Variants in CRTAP observed in about 807,000 individuals in gnomAD.
The protein encoded by CRTAP is cartilage associated protein, also known as cartilage-associated protein.
Under a neutral mutation model 42.7 loss-of-function variants are expected in CRTAP, and 33 were observed. The ratio of observed to expected loss-of-function variants is 0.77; its 90% CI spans 0.59 to 1.03. CRTAP has a LOEUF of 1.03. CRTAP is among the 50% of genes least tolerant of loss of function. The pLI, the probability that CRTAP is intolerant of heterozygous loss-of-function variation, is 0.00. For missense variants in CRTAP, 613 were observed against 533.9 expected (o/e 1.15, Z -1.46); for synonymous variants, 243 against 217.7 (o/e 1.12, Z -1.02).
intron 5 of CRTAP, among the ~76,000 whole-genome samples, 185 bp downstream of exon 5, chr3:33,132,885 C>G (rs2030310422): frequency 6.6e-6 from 1 of 152,116 alleles, no homozygotes; most frequent in South Asian, 2.1e-4. Flanking sequence ...CGAGACCAGC[C>G]TGGCCAACAC....
chr3:33,114,190 G>A lies in CRTAP; in HGVS notation c.113G>A (p.Arg38Gln), dbSNP rs1311153988. Residue 38 changes from arginine (R) to glutamine (Q), a missense_variant, in exon 1 of 7, where the codon CGG (arginine) becomes CAG (glutamine). Coordinates refer to ENST00000320954, the MANE Select transcript of CRTAP (RefSeq NM_006371.5). Reference sequence around the variant, plus strand: ...CGCTACAGCTTCCGCAGCTTCCCACGGGACGAGCTGATGCCGCTCGAGTCG... The same window carrying A: ...CGCTACAGCTTCCGCAGCTTCCCACAGGACGAGCTGATGCCGCTCGAGTCG... ...YERYSFRSFPRDELMPLESAY... is the reference protein window; with the variant it reads ...YERYSFRSFPQDELMPLESAY... 6.3e-7 allele frequency: 1 copy of A among 1,592,908 alleles called. No homozygotes were observed. The highest frequency in any genetic ancestry group is 8.5e-7 in the Non-Finnish European group (1 of 1,176,186).
rs2030357191 is a variant in CRTAP at position 33,134,232 on chromosome 3, C to T, written c.1119C>T (p.Asp373=). 6.2e-7 allele frequency: 1 copy of T among 1,612,574 alleles called. No homozygotes were observed. The highest frequency in any genetic ancestry group is 8.5e-7 in the Non-Finnish European group (1 of 1,178,656). The change falls in exon 6 of 7, where the codon GAC becomes GAT. Residue 373 remains aspartate (D), a synonymous_variant. Coordinates refer to ENST00000320954, the MANE Select transcript of CRTAP (RefSeq NM_006371.5). ...NVTTLQKELY[D]FAKENIMDDD... ...CCACACTCCAGAAGGAGCTGTATGACTTTGCTAAGGAAAATATAATGGATG... is the reference window on the plus strand; with the variant it reads ...CCACACTCCAGAAGGAGCTGTATGATTTTGCTAAGGAAAATATAATGGATG...
At chr3:33,119,806 T>A (rs1701394105) in intron 1 of CRTAP, among the ~76,000 whole-genome samples, 1 of 152,086 alleles carries the variant, frequency 6.6e-6, no homozygotes, top group Non-Finnish European at 1.5e-5. Context: ...GTGATAGCAG[T>A]GGGATATGAC....
At position 33,114,339 on chromosome 3, in the gene CRTAP, T is replaced by A; in HGVS notation, c.262T>A (p.Cys88Ser). 1 of 1,531,092 alleles carries A rather than the reference T, an allele frequency of 6.5e-7. No individual in the cohort carries two copies. 94.8% of individuals were successfully genotyped at this position (1,531,092 alleles called of 1,614,324 possible). ...RDSEAFCHRNCSAAPQPEPAA... is the reference protein window; with the variant it reads ...RDSEAFCHRNSSAAPQPEPAA... ...CAGCGAGGCCTTCTGCCACCGCAAC[T>A]GCAGCGCCGCGCCGCAGCCCGAGCC... The change falls in exon 1 of 7, where the codon TGC becomes AGC. Residue 88 changes from cysteine (C) to serine (S), a missense_variant. Cys to Ser is a moderately radical substitution (Grantham distance 112). Transcript: ENST00000320954.
chr3:33,146,527 A>T lies in CRTAP; in HGVS notation c.*4079A>T, dbSNP rs1054515015. 1.2e-4 allele frequency: 19 copies of T among 152,382 alleles called. No homozygotes were observed. The highest frequency in any genetic ancestry group is 4.3e-4 in the African/African-American group (18 of 41,580). The allele number at this position is 152,382 out of a possible 1,614,324, so 9.4% of individuals were successfully genotyped here. ...TAAAAGTGACTGACTGACTGAAATGAGCACATACCGACATATGCAACATAC... is the reference window on the plus strand; with the variant it reads ...TAAAAGTGACTGACTGACTGAAATGTGCACATACCGACATATGCAACATAC... On this transcript the variant is annotated 3_prime_UTR_variant, in exon 7 of 7. Coordinates refer to ENST00000320954, the MANE Select transcript of CRTAP (RefSeq NM_006371.5).
At chr3:33,115,583 T>C (rs1701333413) in intron 1 of CRTAP, among the ~76,000 whole-genome samples, 1 of 152,158 alleles carries the variant, frequency 6.6e-6, no homozygotes, top group Non-Finnish European at 1.5e-5. Context: ...AGGGTTTGGC[T>C]AAAAGAGCCC....
chr3:33,115,593 C>A (rs986297846), intron 1 of CRTAP, among the ~76,000 whole-genome samples: 2 of 152,058 alleles, frequency 1.3e-5, no homozygotes, highest in Non-Finnish European at 2.9e-5. Context: ...TAAAAGAGCC[C>A]TCTCAAAGCC....
rs931059089 is a variant in CRTAP at position 33,147,587 on chromosome 3, T to G, written c.*5139T>G. On this transcript the variant is annotated 3_prime_UTR_variant, in exon 7 of 7. Coordinates refer to ENST00000320954, the MANE Select transcript of CRTAP (RefSeq NM_006371.5). Reference sequence around the variant, plus strand: ...ATACAAGATAGATTCCAGAGTTTTATCTCCCACTTTAGGGTGGCAGCCAGT... The same window carrying G: ...ATACAAGATAGATTCCAGAGTTTTAGCTCCCACTTTAGGGTGGCAGCCAGT... The G allele has an allele frequency of 1.3e-4, 20 of 152,242 alleles. No individual in the cohort carries two copies. The highest frequency in any genetic ancestry group is 4.1e-4 in the African/African-American group (17 of 41,468). The allele number at this position is 152,242 out of a possible 1,614,324, so 9.4% of individuals were successfully genotyped here.
chr3:33,132,478 C>T lies in CRTAP; in HGVS notation c.923-77C>T. On this transcript the variant is annotated intron_variant, in intron 4 of 6. Coordinates refer to ENST00000320954, the MANE Select transcript of CRTAP (RefSeq NM_006371.5). ...GTGGAGAAGGGGCTTGTTCATATGG[C>T]CTTTTTGTTTAGAAGCAGAGAAATT... 4 of 1,591,746 alleles carry T rather than the reference C, an allele frequency of 2.5e-6. No homozygotes were observed. The Admixed American group carries it at 6.7e-5, about 27-fold the overall frequency.
rs2030700954 is a variant in CRTAP at position 33,145,631 on chromosome 3, A to C, written c.*3183A>C. ...TAAATAGTGTGCCCAGCAGCTGTGAACTCCCCTTATAGCCTCAGGCTGCAG... is the reference window on the plus strand; with the variant it reads ...TAAATAGTGTGCCCAGCAGCTGTGACCTCCCCTTATAGCCTCAGGCTGCAG... On this transcript the variant is annotated 3_prime_UTR_variant, in exon 7 of 7. Transcript: ENST00000320954. The surrounding 1 kb of genome is among the most constrained non-coding windows in gnomAD (Gnocchi z 4.3). 1 of 151,792 alleles carries C rather than the reference A, an allele frequency of 6.6e-6. No individual in the cohort carries two copies. Among genetic ancestry groups the C allele is most frequent in the Non-Finnish European group, 1.5e-5 (1 of 68,004 alleles). 9.4% of individuals were successfully genotyped at this position (151,792 alleles called of 1,614,324 possible).
At chr3:33,138,110 T>A (rs949245228) in intron 6 of CRTAP, among the ~76,000 whole-genome samples, 32 of 152,102 alleles carry the variant, frequency 2.1e-4, no homozygotes, top group Admixed American at 3.3e-4. Context: ...TTTTTTTTTT[T>A]AAATTACGTG....
intron 4 of CRTAP, among the ~76,000 whole-genome samples, chr3:33,132,177 C>T (rs1293138172): frequency 6.6e-6 from 1 of 152,166 alleles, no homozygotes; most frequent in African/African-American, 2.4e-5. Context: ...AGATGGGATC[C>T]AGACACTCTA....
chr3:33,126,206 G>C (rs2030066134), intron 3 of CRTAP, among the ~76,000 whole-genome samples: 1 of 152,208 alleles, frequency 6.6e-6, no homozygotes, highest in African/African-American at 2.4e-5. Flanking sequence ...CATCACGTAA[G>C]TGGAGTCATA....
intron 5 of CRTAP, among the ~76,000 whole-genome samples, chr3:33,133,175 T>A (rs1167327152): frequency 1.3e-5 from 2 of 152,238 alleles, no homozygotes; most frequent in Non-Finnish European, 2.9e-5. Context: ...ATATTTTACT[T>A]TGAAAACAAA....
Position 33,130,525 on chromosome 3 carries a change from C to CTTTTTTTTTTTTTT in CRTAP, c.922+470_922+483dup, listed in dbSNP as rs765558103. ...CTTTTTTCTTTCTTTCTTTTCTTTT[C>CTTTTTTTTTTTTTT]TTTTTTTTTTTTTTTTTTTTTTTTT... On this transcript the variant is annotated intron_variant, in intron 4 of 6. Transcript: ENST00000320954. Among the ~76,000 whole-genome samples the CTTTTTTTTTTTTTT allele has an allele frequency of 2.2e-3, 122 of 55,236 alleles. 1 individual carries two copies. The highest frequency in any genetic ancestry group is 2.7e-3 in the Non-Finnish European group (88 of 32,412). The allele number at this position is 55,236 out of a possible 152,430, so 36.2% of individuals were successfully genotyped here.
chr3:33,114,103 C>CGGCGCTGCT lies in CRTAP; in HGVS notation c.27_35dup (p.Ala13_Leu15dup). The CGGCGCTGCT allele has an allele frequency of 6.8e-7, 1 of 1,475,522 alleles. No individual in the cohort carries two copies. Among genetic ancestry groups the CGGCGCTGCT allele is most frequent in the East Asian group, 2.9e-5 (1 of 34,626 alleles). The allele number at this position is 1,475,522 out of a possible 1,614,324, so 91.4% of individuals were successfully genotyped here. On this transcript the variant is annotated inframe_insertion, in exon 1 of 7. Coordinates refer to ENST00000320954, the MANE Select transcript of CRTAP (RefSeq NM_006371.5). ...ATGGAGCCGGGGCGCCGGGGGGCCG[C>CGGCGCTGCT]GGCGCTGCTAGCGCTGCTGTGCGTG...
In CRTAP at chr3:33,114,551, A is replaced by C; in HGVS notation, c.471+3A>C. 1 of 1,578,786 alleles carries C rather than the reference A, an allele frequency of 6.3e-7. No individual in the cohort carries two copies. Among genetic ancestry groups the C allele is most frequent in the Non-Finnish European group, 8.6e-7 (1 of 1,163,426 alleles). On this transcript the variant is annotated splice_donor_region_variant and intron_variant, in intron 1 of 6. Transcript: ENST00000320954. Reference sequence around the variant, plus strand: ...TCCTGCAGTTCGCTTACTTCAAGGCAAGTCCGCCTCGCCCCGTCCCAGGCC... The same window carrying C: ...TCCTGCAGTTCGCTTACTTCAAGGCCAGTCCGCCTCGCCCCGTCCCAGGCC...
chr3:33,118,360 G>C (rs1388591770), intron 1 of CRTAP, among the ~76,000 whole-genome samples: 1 of 152,162 alleles, frequency 6.6e-6, no homozygotes, highest in Non-Finnish European at 1.5e-5. Flanking sequence ...CTTCCTTCCA[G>C]CTGAAGACTA....
chr3:33,138,443 T>A (rs949213100), intron 6 of CRTAP, among the ~76,000 whole-genome samples: 10 of 152,322 alleles, frequency 6.6e-5, no homozygotes, highest in African/African-American at 1.9e-4. Flanking sequence ...ATTTTATTAT[T>A]CCTAAACATT....
Sources: gnomAD v4.1 joint callset for allele counts (sites outside exome capture counted in the v4.1 genomes callset) on GRCh38, gnomAD v4.1.1 for gene constraint, Gnocchi (gnomAD v3.1) non-coding constraint, MANE v1.5 for transcripts, NCBI Gene and HGNC (gene_info 2026-07-23, HGNC 2026-07-21) for gene names.